ADARB2: variants seen among roughly 807,000 people sequenced by gnomAD.
ADARB2 encodes the protein adenosine deaminase RNA specific B2 (inactive), also known as inactive double-stranded RNA-specific editase B2.
Under a neutral mutation model 62.2 loss-of-function variants are expected in ADARB2, and 25 were observed. That is an observed-to-expected ratio of 0.40 (90% confidence interval 0.29 to 0.56). The LOEUF (loss-of-function observed/expected upper bound fraction) is 0.56, where lower values mean the gene tolerates loss of function less well. Among genes scored for constraint, ADARB2 ranks in the 20% least tolerant of loss-of-function variants. The pLI is 0.43. For synonymous variants in ADARB2, 572 were observed against 500.8 expected, an observed-to-expected ratio of 1.14 and a Z score of -1.90; for missense variants, 1,071 against 1,077.4, an observed-to-expected ratio of 0.99 and a Z score of 0.08.
At chr10:1,302,398 T>C (rs369368983) in intron 3 of ADARB2, among the ~76,000 whole-genome samples, 2 of 152,160 alleles carry the variant, frequency 1.3e-5, no homozygotes, top group Non-Finnish European at 1.5e-5. Flanking sequence ...GTCTCGCTGA[T>C]TGCTAGCACA....
chr10:1,727,595 T>C (rs957368969), intron 1 of ADARB2, among the ~76,000 whole-genome samples: 1 of 152,214 alleles, frequency 6.6e-6, no homozygotes, highest in Admixed American at 6.5e-5. Context: ...GGGGTTTACA[T>C]TTTAACGGTT....
intron 1 of ADARB2, among the ~76,000 whole-genome samples, chr10:1,561,426 T>C (rs558952854): frequency 6.6e-6 from 1 of 152,348 alleles, no homozygotes; most frequent in South Asian, 2.1e-4. Flanking sequence ...ATTCAACATA[T>C]TCTTCAACAA....
intron 1 of ADARB2, among the ~76,000 whole-genome samples, chr10:1,427,903 T>C (rs1832905001): frequency 6.6e-6 from 1 of 152,154 alleles, no homozygotes; most frequent in East Asian, 1.9e-4. Flanking sequence ...GGAAATGAAC[T>C]ATCTGTATAC....
intron 4 of ADARB2, among the ~76,000 whole-genome samples, chr10:1,258,067 G>A (rs1831096419): frequency 6.6e-6 from 1 of 152,160 alleles, no homozygotes; most frequent in Non-Finnish European, 1.5e-5. Flanking sequence ...ATAATGCACA[G>A]TCATTTCCTG....
chr10:1,532,398 T>C (rs1832256889), intron 1 of ADARB2, among the ~76,000 whole-genome samples: 1 of 152,222 alleles, frequency 6.6e-6, no homozygotes, highest in Admixed American at 6.5e-5. Context: ...GCTCTGATCT[T>C]CATGACACCT....
intron 1 of ADARB2, among the ~76,000 whole-genome samples, chr10:1,616,987 T>C (rs1833645371): frequency 6.6e-6 from 1 of 151,354 alleles, no homozygotes; most frequent in African/African-American, 2.4e-5. Flanking sequence ...GAGGGTTACA[T>C]TCTGTCGCTA....
At chr10:1,595,931 C>G (rs1042311219) in intron 1 of ADARB2, among the ~76,000 whole-genome samples, 1 of 152,218 alleles carries the variant, frequency 6.6e-6, no homozygotes, top group African/African-American at 2.4e-5. Context: ...CCGCTGGCCT[C>G]GCTCATGCCT....
At chr10:1,639,732 C>T (rs982664242) in intron 1 of ADARB2, among the ~76,000 whole-genome samples, 4 of 152,118 alleles carry the variant, frequency 2.6e-5, no homozygotes, top group African/African-American at 9.7e-5. Context: ...GTCCCAGCTA[C>T]TCAGGAGGCT....
intron 1 of ADARB2, among the ~76,000 whole-genome samples, chr10:1,508,492 C>A (rs992918196): frequency 6.6e-6 from 1 of 152,156 alleles, no homozygotes; most frequent in Non-Finnish European, 1.5e-5. Context: ...CTAAAGAAGT[C>A]GTGTTAGCTG....
At chr10:1,541,686 G>T (rs71500135) in intron 1 of ADARB2, among the ~76,000 whole-genome samples, 1 of 31,996 alleles carries the variant, frequency 3.1e-5, no homozygotes, top group Admixed American at 3.9e-4. Flanking sequence ...CCACTCAGAC[G>T]CAGTTCAGAC....
At chr10:1,298,001 G>A (rs1331677323) in intron 3 of ADARB2, among the ~76,000 whole-genome samples, 2 of 152,240 alleles carry the variant, frequency 1.3e-5, no homozygotes, top group African/African-American at 2.4e-5. Context: ...CCACCTGGGT[G>A]TGCTCACTTG....
chr10:1,411,331 C>G (rs576136577), intron 1 of ADARB2, among the ~76,000 whole-genome samples: 1 of 152,188 alleles, frequency 6.6e-6, no homozygotes, highest in Non-Finnish European at 1.5e-5. Flanking sequence ...TCAAGTGCAC[C>G]GGAGGCTCCG....
chr10:1,571,366 T>C (rs961236797), intron 1 of ADARB2, among the ~76,000 whole-genome samples: 1 of 152,202 alleles, frequency 6.6e-6, no homozygotes, highest in African/African-American at 2.4e-5. Flanking sequence ...TTGATACTGA[T>C]ACTATAGTTT....
chr10:1,551,299 G>C (rs575052469), intron 1 of ADARB2, among the ~76,000 whole-genome samples: 1 of 152,286 alleles, frequency 6.6e-6, no homozygotes, highest in African/African-American at 2.4e-5. Context: ...TATTATTGAA[G>C]CCACCTGGGC....
chr10:1,464,551 T>G (rs112915761), intron 1 of ADARB2, among the ~76,000 whole-genome samples: 29 of 48,908 alleles, frequency 5.9e-4, no homozygotes, highest in South Asian at 9.8e-4. Flanking sequence ...ACACACGCGC[T>G]GGGGGCAGTC....
At chr10:1,302,696 GCCT>G (rs1408123644) in intron 3 of ADARB2, among the ~76,000 whole-genome samples, 16 of 152,378 alleles carry the variant, frequency 1.1e-4, no homozygotes, top group East Asian at 3.9e-4. Context: ...CGGGCAGACT[GCCT>G]CCTCAAGTGG....
At chr10:1,262,677 TTGG>T in intron 4 of ADARB2, among the ~76,000 whole-genome samples, 1 of 152,290 alleles carries the variant, frequency 6.6e-6, no homozygotes, top group Middle Eastern at 3.4e-3. Context: ...TTTTACCCTG[TTGG>T]TGGGACTGTA....
intron 1 of ADARB2, among the ~76,000 whole-genome samples, chr10:1,474,723 A>C (rs1831375509): frequency 1.3e-5 from 2 of 152,174 alleles, no homozygotes; most frequent in African/African-American, 4.8e-5. Flanking sequence ...GGAATGGATG[A>C]GCCCCAGGCA....
intron 1 of ADARB2, among the ~76,000 whole-genome samples, chr10:1,394,726 A>T (rs931430357): frequency 6.6e-6 from 1 of 152,110 alleles, no homozygotes; most frequent in South Asian, 2.1e-4. Flanking sequence ...GGGCCTGAGG[A>T]ACGTCAAAGG....
Sources: allele counts gnomAD v4.1 joint callset (sites outside exome capture counted in the v4.1 genomes callset), GRCh38; gene constraint gnomAD v4.1.1; transcripts MANE v1.5; gene names NCBI Gene and HGNC (gene_info 2026-07-23, HGNC 2026-07-21).